RANBP2: variants seen among roughly 807,000 people sequenced by gnomAD.
RANBP2 encodes E3 SUMO-protein ligase RanBP2.
RANBP2 carries 57 observed loss-of-function variants against 303.6 expected under a neutral mutation model. That is an observed-to-expected ratio of 0.19 (90% CI 0.15 to 0.23). The LOEUF is 0.23. Ranked by LOEUF, RANBP2 falls within the 10% of genes least tolerant of loss-of-function variation. RANBP2 has a pLI of 1.00. For synonymous variants in RANBP2, 1,167 were observed against 1,301.5 expected (o/e 0.90, Z 2.23); for missense variants, 3,138 against 3,780.8 (o/e 0.83, Z 4.46).
chr2:109,069,005 C>G, the RANBP2 span, among the ~76,000 whole-genome samples: 3 of 152,298 alleles, frequency 2.0e-5, no homozygotes, highest in East Asian at 5.8e-4. Context: ...TATGGCACTC[C>G]TCCCTTAGAC....
the RANBP2 span, among the ~76,000 whole-genome samples, chr2:108,924,421 C>T: frequency 2.6e-4 from 40 of 152,166 alleles, no homozygotes; most frequent in Non-Finnish European, 4.7e-4. Flanking sequence ...AAATGCTCAG[C>T]GGAGAGCATG....
At chr2:109,371,354 C>G in the RANBP2 span, among the ~76,000 whole-genome samples, 70 of 152,228 alleles carry the variant, frequency 4.6e-4, no homozygotes, top group Non-Finnish European at 9.0e-4. Context: ...TGCGCCACTG[C>G]ACTCCAGCCT....
the RANBP2 span, among the ~76,000 whole-genome samples, chr2:109,637,610 T>G: frequency 6.6e-6 from 1 of 152,196 alleles, no homozygotes. Flanking sequence ...ATACTGCTTG[T>G]AAACATTTTG....
the RANBP2 span, among the ~76,000 whole-genome samples, chr2:109,400,876 A>G: frequency 6.6e-6 from 1 of 152,188 alleles, no homozygotes; most frequent in African/African-American, 2.4e-5. Flanking sequence ...GAGAACAGCC[A>G]TTGGGGCTGC....
the RANBP2 span, among the ~76,000 whole-genome samples, chr2:109,114,433 G>A: frequency 6.6e-6 from 1 of 152,170 alleles, no homozygotes; most frequent in Non-Finnish European, 1.5e-5. Flanking sequence ...GGTGTTTGTA[G>A]TATTCTCTGA....
chr2:108,772,288 G>A (rs142608049), intron 21 of RANBP2, among the ~76,000 whole-genome samples: 3 of 152,082 alleles, frequency 2.0e-5, no homozygotes, highest in South Asian at 2.1e-4. Flanking sequence ...CAAGGAGATC[G>A]GAAGATGAAC....
chr2:109,442,698 C>T, the RANBP2 span, among the ~76,000 whole-genome samples: 1 of 151,832 alleles, frequency 6.6e-6, no homozygotes. Context: ...TAAGCAGTCA[C>T]TAAATATGAA....
chr2:109,418,531 G>A, the RANBP2 span, among the ~76,000 whole-genome samples: 1 of 152,016 alleles, frequency 6.6e-6, no homozygotes, highest in African/African-American at 2.4e-5. Flanking sequence ...TCACTGCTCC[G>A]TCCTCACATG....
At chr2:109,761,322 T>G in the RANBP2 span, among the ~76,000 whole-genome samples, 668 of 136,468 alleles carry the variant, frequency 4.9e-3, no homozygotes, top group Middle Eastern at 0.044. Flanking sequence ...GGGAAACGAG[T>G]GTTTCTCCGT....
chr2:109,098,663 C>T, the RANBP2 span, among the ~76,000 whole-genome samples: 1 of 152,204 alleles, frequency 6.6e-6, no homozygotes, highest in Non-Finnish European at 1.5e-5. Context: ...TTGCCCAATC[C>T]TATAGTCACA....
the RANBP2 span, among the ~76,000 whole-genome samples, chr2:109,388,390 C>A: frequency 6.6e-6 from 1 of 151,218 alleles, no homozygotes; most frequent in African/African-American, 2.5e-5. Flanking sequence ...CCACAGATTG[C>A]CTGGCAGAGC....
chr2:109,468,312 A>G, the RANBP2 span, among the ~76,000 whole-genome samples: 5 of 152,220 alleles, frequency 3.3e-5, no homozygotes, highest in Non-Finnish European at 7.3e-5. Flanking sequence ...GTGTCTAAAT[A>G]TAGCTAAACA....
chr2:108,726,617 C>CT (rs1694731324), intron 1 of RANBP2, among the ~76,000 whole-genome samples: 1 of 151,532 alleles, frequency 6.6e-6, no homozygotes, highest in Non-Finnish European at 1.5e-5. Flanking sequence ...TCTCACCTTG[C>CT]TTTTTATTAT....
At chr2:109,277,823 T>C in the RANBP2 span, among the ~76,000 whole-genome samples, 1 of 152,088 alleles carries the variant, frequency 6.6e-6, no homozygotes, top group Non-Finnish European at 1.5e-5. Context: ...CTCTTAAAAG[T>C]GGAGAAACAG....
chr2:109,704,899 A>G, the RANBP2 span, among the ~76,000 whole-genome samples: 10 of 152,064 alleles, frequency 6.6e-5, no homozygotes, highest in Non-Finnish European at 1.2e-4. Context: ...AAGACTCAAT[A>G]AGAGAAACAG....
At chr2:109,268,634 C>T in the RANBP2 span, among the ~76,000 whole-genome samples, 4 of 152,134 alleles carry the variant, frequency 2.6e-5, no homozygotes, top group East Asian at 1.9e-4. Context: ...GGTGCAGAAG[C>T]GATACACATT....
At chr2:109,055,653 G>C in the RANBP2 span, among the ~76,000 whole-genome samples, 1 of 151,712 alleles carries the variant, frequency 6.6e-6, no homozygotes, top group Non-Finnish European at 1.5e-5. Flanking sequence ...CAAAGTGCTG[G>C]GATTAAAGGC....
the RANBP2 span, among the ~76,000 whole-genome samples, chr2:108,858,574 A>G: frequency 2.6e-5 from 4 of 152,214 alleles, no homozygotes; most frequent in Non-Finnish European, 4.4e-5. Context: ...AGTACGATTT[A>G]TTAGAGCGAG....
chr2:109,613,910 G>A, the RANBP2 span: 17 of 1,226,866 alleles, frequency 1.4e-5, no homozygotes, highest in Admixed American at 4.3e-5. Flanking sequence ...GGGAAGGCCG[G>A]AGGGCAGAAG....
Sources: gnomAD v4.1 joint callset for allele counts (sites outside exome capture counted in the v4.1 genomes callset) on GRCh38, gnomAD v4.1.1 for gene constraint, MANE v1.5 for transcripts, NCBI Gene and HGNC (gene_info 2026-07-23, HGNC 2026-07-21) for gene names.